KDM2B: variants seen among roughly 807,000 people sequenced by gnomAD.
KDM2B encodes the protein lysine demethylase 2B.
KDM2B carries 26 observed loss-of-function variants against 150.0 expected under a neutral mutation model. That is an observed-to-expected ratio of 0.17 (90% confidence interval 0.13 to 0.24). The LOEUF (loss-of-function observed/expected upper bound fraction) is 0.24, where lower values mean the gene tolerates loss of function less well. Ranked by LOEUF, KDM2B falls within the 10% of genes least tolerant of loss-of-function variation. The pLI is 1.00. For synonymous variants in KDM2B, 734 were observed against 729.5 expected, an observed-to-expected ratio of 1.01 and a Z score of -0.10; for missense variants, 1,265 against 1,816.9, an observed-to-expected ratio of 0.70 and a Z score of 5.52.
chr12:121,493,105 A>T (rs370208621), intron 12 of KDM2B, among the ~76,000 whole-genome samples: 1 of 108,046 alleles, frequency 9.3e-6, no homozygotes, highest in African/African-American at 3.9e-5. Flanking sequence ...ATGAGTTCTC[A>T]TTATGTTACC....
chr12:121,504,352 T>C (rs975519645), intron 11 of KDM2B, among the ~76,000 whole-genome samples: 1 of 152,120 alleles, frequency 6.6e-6, no homozygotes, highest in African/African-American at 2.4e-5. Context: ...ATAAGCAACA[T>C]AGCAAGACGT....
At chr12:121,505,785 C>T (rs567376028) in intron 11 of KDM2B, among the ~76,000 whole-genome samples, 10 of 152,250 alleles carry the variant, frequency 6.6e-5, no homozygotes, top group East Asian at 3.9e-4. Flanking sequence ...CCCAGAAACA[C>T]GAATCCCTCA....
intron 6 of KDM2B, among the ~76,000 whole-genome samples, chr12:121,546,378 C>CTTTTT (rs1566402100): frequency 7.6e-5 from 7 of 92,456 alleles, no homozygotes; most frequent in African/African-American, 4.3e-4. Context: ...TTTTTTTTTG[C>CTTTTT]CTTTTTTTTT....
At chr12:121,578,498 C>T (rs964005320) in intron 2 of KDM2B, among the ~76,000 whole-genome samples, 2 of 152,066 alleles carry the variant, frequency 1.3e-5, no homozygotes, top group South Asian at 4.1e-4. Flanking sequence ...ACGCGGCGCT[C>T]CCGCCCTCCC....
intron 4 of KDM2B, among the ~76,000 whole-genome samples, chr12:121,571,306 TG>T (rs79129582): frequency 0.027 from 4,042 of 152,336 alleles, 160 homozygotes; most frequent in East Asian, 0.11. Context: ...TTTCTTTTTT[TG>T]GGAAAGAGTC....
At chr12:121,557,554 G>A (rs1889998425) in intron 4 of KDM2B, among the ~76,000 whole-genome samples, 1 of 152,062 alleles carries the variant, frequency 6.6e-6, no homozygotes, top group South Asian at 2.1e-4. Flanking sequence ...CAAAGGAAAT[G>A]TGGACACAGA....
chr12:121,535,271 G>T (rs1887997314), intron 6 of KDM2B, among the ~76,000 whole-genome samples: 1 of 151,312 alleles, frequency 6.6e-6, no homozygotes, highest in African/African-American at 2.4e-5. Context: ...TGATTGCCAA[G>T]TAAGCAATGC....
At chr12:121,571,475 G>A (rs1555315902) in intron 4 of KDM2B, among the ~76,000 whole-genome samples, 1 of 151,736 alleles carries the variant, frequency 6.6e-6, no homozygotes, top group Non-Finnish European at 1.5e-5. Flanking sequence ...TTTTAGCAGA[G>A]ACGGGGTTTC....
At chr12:121,458,030 T>C (rs1223808540) in intron 12 of KDM2B, among the ~76,000 whole-genome samples, 3 of 152,190 alleles carry the variant, frequency 2.0e-5, no homozygotes, top group Non-Finnish European at 4.4e-5. Flanking sequence ...AGATTTAATA[T>C]TGTTAAGATC....
In KDM2B at chr12:121,574,608, G is replaced by GCACAT. The variant is rs1298660666; in HGVS notation, c.351-16_351-15insATGTG. On this transcript the variant is annotated splice_polypyrimidine_tract_variant and intron_variant, in intron 3 of 22. Coordinates refer to ENST00000377071, the MANE Select transcript of KDM2B (RefSeq NM_032590.5). ...GGTCAGGCATCCTGGGGAAAGAGGA[G>GCACAT]CACAGACCTTTGGTGAGAGGCCAGA... The GCACAT allele has an allele frequency of 1.7e-5, 27 of 1,613,590 alleles. No homozygotes were observed. In the African/African-American group the frequency reaches 2.3e-4, roughly 14 times the overall value.
At position 121,442,905 on chromosome 12, in the gene KDM2B, C is replaced by T; in HGVS notation, c.2605-69G>A. 1 of 1,566,564 alleles carries T rather than the reference C, an allele frequency of 6.4e-7. No individual in the cohort carries two copies. The highest frequency in any genetic ancestry group is 8.6e-7 in the Non-Finnish European group (1 of 1,158,336). On this transcript the variant is annotated intron_variant, in intron 18 of 22. Transcript: ENST00000377071. This position sits in a 1 kb window ranked among gnomAD's most constrained non-coding sequence, Gnocchi z 7.7. Reference sequence around the variant, plus strand: ...CTGCGCCCGCCCAAGGCCTCCCGCCCCCCTGCCACGGGACTGTGGCCCAGG... The same window carrying T: ...CTGCGCCCGCCCAAGGCCTCCCGCCTCCCTGCCACGGGACTGTGGCCCAGG...
chr12:121,470,795 A>G (rs1392975680), intron 12 of KDM2B, among the ~76,000 whole-genome samples: 2 of 152,198 alleles, frequency 1.3e-5, no homozygotes, highest in Non-Finnish European at 2.9e-5. Flanking sequence ...CCCTTACTAC[A>G]TGCTATTAAT....
intron 11 of KDM2B, among the ~76,000 whole-genome samples, 188 bp from the exon 12 acceptor site, chr12:121,494,853 C>A (rs1334987242): frequency 6.6e-6 from 1 of 152,186 alleles, no homozygotes; most frequent in African/African-American, 2.4e-5. Context: ...ACGAAACACA[C>A]AACGTTCCCC....
At position 121,579,330 on chromosome 12, in the gene KDM2B, G is replaced by A. The variant is rs535221999; in HGVS notation, c.127-384C>T. On this transcript the variant is annotated intron_variant, in intron 1 of 22. Transcript: ENST00000377071. ...GCGGGGCAAATGTAGGCCCCAGGAG[G>A]AGCCGCTGCGGCGCCCGGCTCGGCG... Among the ~76,000 whole-genome samples, 194 of 152,352 alleles carry A rather than the reference G, an allele frequency of 1.3e-3. 3 individuals carry two copies. The highest frequency in any genetic ancestry group is 0.012 in the Admixed American group (189 of 15,306).
intron 6 of KDM2B, among the ~76,000 whole-genome samples, chr12:121,544,779 G>C (rs1378697932): frequency 1.3e-5 from 2 of 151,792 alleles, no homozygotes; most frequent in Non-Finnish European, 2.9e-5. Context: ...TGGGTGTGGT[G>C]GTGGGTGCCT....
At chr12:121,493,702 A>G (rs1224911498) in intron 12 of KDM2B, 2 of 152,142 alleles carry the variant, frequency 1.3e-5, no homozygotes, top group Non-Finnish European at 2.9e-5. Context: ...GACAGTCACA[A>G]CTGTCTACCC....
intron 9 of KDM2B, chr12:121,516,525 G>GA: frequency 7.0e-7 from 1 of 1,423,380 alleles, no homozygotes; most frequent in Non-Finnish European, 9.2e-7. Context: ...ACATGCCTGG[G>GA]GACATTAAAC....
In KDM2B at chr12:121,509,988, T is replaced by C; in HGVS notation, c.1226A>G (p.Glu409Gly). The C allele has an allele frequency of 6.3e-7, 1 of 1,596,386 alleles. No homozygotes were observed. The highest frequency in any genetic ancestry group is 1.1e-5 in the South Asian group (1 of 88,848). Residue 409 changes from glutamate (E) to glycine (G), a missense_variant, in exon 11 of 23, where the codon GAG becomes GGG. By Grantham distance (98) the Glu-to-Gly change is moderately conservative (BLOSUM62 -2). Transcript: ENST00000377071. ...IDGFSSDSWL[E>G]MEEEACDQQP... ...CTGATCACAGGCCTCCTCCTCCATC[T>C]CCAGCCAGGAATCCGAAGAGAAGCC... is the stretch of plus-strand genomic sequence containing the variant.
the KDM2B span, chr12:121,420,887 C>A: frequency 1.3e-6 from 1 of 787,534 alleles, no homozygotes; most frequent in Non-Finnish European, 2.1e-6. Flanking sequence ...AAGCTGTGTA[C>A]CATTTTACTG....
Sources: allele counts gnomAD v4.1 joint callset (sites outside exome capture counted in the v4.1 genomes callset), GRCh38; gene constraint gnomAD v4.1.1; non-coding constraint Gnocchi (gnomAD v3.1); transcripts MANE v1.5; gene names NCBI Gene and HGNC (gene_info 2026-07-23, HGNC 2026-07-21).